The following TSGA13 variants were observed in gnomAD, a reference collection of about 807,000 sequenced individuals.
TSGA13 encodes the protein testis specific 13, also known as testis-specific gene 13 protein.
TSGA13 carries 37 observed loss-of-function variants against 35.1 expected under a neutral mutation model. The observed-to-expected ratio is 1.05, with a 90% CI of 0.81 to 1.39. The LOEUF is 1.39. Among genes scored for constraint, TSGA13 ranks in the 40% most tolerant of loss-of-function variants. The probability of loss-of-function intolerance (pLI) is 0.00; values close to 1 mark genes in which losing one functional copy is unlikely to be tolerated. For synonymous variants in TSGA13, 124 were observed against 121.2 expected (o/e 1.02, Z -0.15); for missense variants, 338 against 328.5 (o/e 1.03, Z -0.22).
In TSGA13 at chr7:130,668,874, G is replaced by A; in HGVS notation, c.*140C>T. 4.3e-6 allele frequency: 6 copies of A among 1,392,826 alleles called. No individual in the cohort carries two copies. Among genetic ancestry groups the A allele is most frequent in the Non-Finnish European group, 4.8e-6 (5 of 1,034,332 alleles). The allele number at this position is 1,392,826 out of a possible 1,614,324, so 86.3% of individuals were successfully genotyped here. On this transcript the variant is annotated 3_prime_UTR_variant, in exon 8 of 8. Coordinates refer to ENST00000356588, the MANE Select transcript of TSGA13 (RefSeq NM_052933.4). ...CCCCTTCTCCTCTTGCGGCCCGCCG[G>A]AGACTTCGGCTCGACCCTCCCGGCT...
rs1796175353 is a variant in TSGA13 at position 130,668,940 on chromosome 7, T to C, written c.*74A>G. ...CACGCCCGCAGCAGCAGGAATGTGG[T>C]TTTATTTGGGTGGCGACTTCTGCGG... On this transcript the variant is annotated 3_prime_UTR_variant, in exon 8 of 8. Coordinates refer to ENST00000356588, the MANE Select transcript of TSGA13 (RefSeq NM_052933.4). 1.3e-6 allele frequency: 2 copies of C among 1,552,958 alleles called. No homozygotes were observed. The highest frequency in any genetic ancestry group is 2.8e-5 in the African/African-American group (2 of 72,338).
chr7:130,680,858 G>T, intron 4 of TSGA13, 88 bp downstream of exon 4: 2 of 1,199,834 alleles, frequency 1.7e-6, no homozygotes, highest in Non-Finnish European at 2.4e-6. Context: ...GGGGACACTT[G>T]GAGGCATTAG....
Position 130,669,319 on chromosome 7 carries a change from A to G in TSGA13, c.659-136T>C, listed in dbSNP as rs1019040378. On this transcript the variant is annotated intron_variant, in intron 7 of 7. Transcript: ENST00000356588. ...TAGAGGGTAGATTTTGGACCGTGTA[A>G]TACCATTCCCAACCTATTTTATAAT... 7 of 953,370 alleles carry G rather than the reference A, an allele frequency of 7.3e-6. No homozygotes were observed. The East Asian group carries it at 1.9e-4, about 25-fold the overall frequency. 59.1% of individuals were successfully genotyped at this position (953,370 alleles called of 1,614,324 possible).
chr7:130,684,324 CTT>C (rs1189743327), intron 2 of TSGA13, among the ~76,000 whole-genome samples: 3 of 152,190 alleles, frequency 2.0e-5, no homozygotes, highest in Non-Finnish European at 4.4e-5. Context: ...TACCAATTCT[CTT>C]TGCAGAAAAT....
intron 7 of TSGA13, among the ~76,000 whole-genome samples, chr7:130,669,915 G>A (rs1257750705): frequency 6.6e-6 from 1 of 152,146 alleles, no homozygotes; most frequent in African/African-American, 2.4e-5. Context: ...CTTTGGGGAA[G>A]GAAACATCCT....
chr7:130,680,157 G>A (rs1338539575), intron 4 of TSGA13, among the ~76,000 whole-genome samples: 4 of 152,090 alleles, frequency 2.6e-5, no homozygotes, highest in African/African-American at 4.8e-5. Flanking sequence ...CCATATTTAC[G>A]TCAACATTTC....
Position 130,685,256 on chromosome 7 carries a change from A to T in TSGA13, c.-46T>A. ...CCAACCCAAGGCAGGTATTCACCCA[A>T]GGCCAAATTCAGGTCTCTAAATAGT... is the stretch of plus-strand genomic sequence containing the variant. On this transcript the variant is annotated 5_prime_UTR_variant, in exon 2 of 8. In the 5' UTR this introduces an upstream ATG that the reference lacks. Coordinates refer to ENST00000356588, the MANE Select transcript of TSGA13 (RefSeq NM_052933.4). The T allele has an allele frequency of 6.2e-7, 1 of 1,611,192 alleles. No homozygotes were observed. The highest frequency in any genetic ancestry group is 1.1e-5 in the South Asian group (1 of 90,998).
At chr7:130,682,059 C>A (rs976185950) in intron 3 of TSGA13, among the ~76,000 whole-genome samples, 15 of 152,076 alleles carry the variant, frequency 9.9e-5, no homozygotes, top group African/African-American at 3.4e-4. Context: ...CCCTCCTCAG[C>A]ATCCCGAGTA....
intron 3 of TSGA13, among the ~76,000 whole-genome samples, chr7:130,683,092 C>T (rs1463636102): frequency 1.3e-5 from 2 of 152,042 alleles, no homozygotes; most frequent in Non-Finnish European, 2.9e-5. Flanking sequence ...GTTTTTACTC[C>T]TGAAGTTTTT....
chr7:130,681,188 A>G (rs1015186850), intron 3 of TSGA13, among the ~76,000 whole-genome samples, 171 bp from the exon 4 acceptor site: 2 of 152,162 alleles, frequency 1.3e-5, no homozygotes, highest in Non-Finnish European at 2.9e-5. Flanking sequence ...TTTCTGGAAC[A>G]AGGGCCCCAG....
At chr7:130,680,045 G>A (rs1287163334) in intron 4 of TSGA13, among the ~76,000 whole-genome samples, 2 of 152,200 alleles carry the variant, frequency 1.3e-5, no homozygotes, top group African/African-American at 4.8e-5. Flanking sequence ...TCTAAGGTAC[G>A]AGGGAAAGCT....
At chr7:130,676,821 A>G (rs1417564476) in intron 5 of TSGA13, among the ~76,000 whole-genome samples, 1 of 151,738 alleles carries the variant, frequency 6.6e-6, no homozygotes, top group Non-Finnish European at 1.5e-5. Flanking sequence ...CTTTCACTTA[A>G]CTCATTTATT....
intron 5 of TSGA13, among the ~76,000 whole-genome samples, chr7:130,675,682 C>T (rs991396619): frequency 9.9e-5 from 15 of 152,164 alleles, no homozygotes; most frequent in African/African-American, 3.1e-4. Flanking sequence ...TGCGCCAGGC[C>T]GGTTTGAGTC....
At chr7:130,670,299 TTC>T (rs2116292580) in intron 7 of TSGA13, among the ~76,000 whole-genome samples, 1 of 152,284 alleles carries the variant, frequency 6.6e-6, no homozygotes, top group African/African-American at 2.4e-5. Flanking sequence ...ACCCCAGGCC[TTC>T]GGTATCAGGA....
At chr7:130,669,304 A>AT (rs2116288244) in intron 7 of TSGA13, 121 bp from the exon 8 acceptor site, 1 of 1,222,084 alleles carries the variant, frequency 8.2e-7, no homozygotes, top group Non-Finnish European at 1.1e-6. Context: ...TAGAGGGTAG[A>AT]TTTTGGACCG....
In TSGA13 at chr7:130,668,688, C is replaced by G; in HGVS notation, c.*326G>C. 6.5e-7 allele frequency: 1 copy of G among 1,527,184 alleles called. No individual in the cohort carries two copies. The highest frequency in any genetic ancestry group is 8.8e-7 in the Non-Finnish European group (1 of 1,138,318). The allele number at this position is 1,527,184 out of a possible 1,614,324, so 94.6% of individuals were successfully genotyped here. A position where few individuals can be genotyped will look rare whatever the true frequency, so the allele number is the denominator to read the frequency against. On this transcript the variant is annotated 3_prime_UTR_variant, in exon 8 of 8. Coordinates refer to ENST00000356588, the MANE Select transcript of TSGA13 (RefSeq NM_052933.4). ...AATCATCTTGGACGACTTCCCAGCG[C>G]CCAGACCCACCGCAACCGTCCCAGG...
rs1424371329 is a variant in TSGA13 at position 130,680,962 on chromosome 7, G to A, written c.158C>T (p.Thr53Ile). Residue 53 changes from threonine (T) to isoleucine (I), a missense_variant, in exon 4 of 8, where the codon ACA (threonine) becomes ATA (isoleucine). Thr to Ile is a moderately conservative substitution (Grantham distance 89). Transcript: ENST00000356588. ...TCTACCTACCAAATTTGGATGGACT[G>A]TGTAATGCCGAAGGTTCTCTAGAAC... is the stretch of plus-strand genomic sequence containing the variant. ...KFVLENLRHY[T>I]VHPNLAQYYK... is the part of the protein sequence containing the mutation. 3.1e-6 allele frequency: 5 copies of A among 1,614,016 alleles called. No homozygotes were observed. The highest frequency in any genetic ancestry group is 2.2e-5 in the East Asian group (1 of 44,884).
At chr7:130,673,453 C>G (rs1554463663) in intron 5 of TSGA13, among the ~76,000 whole-genome samples, 1 of 151,988 alleles carries the variant, frequency 6.6e-6, no homozygotes, top group Admixed American at 6.6e-5. Context: ...CTCAATCTTT[C>G]TTTACCTAAA....
At position 130,668,780 on chromosome 7, in the gene TSGA13, G is replaced by T; in HGVS notation, c.*234C>A. On this transcript the variant is annotated 3_prime_UTR_variant, in exon 8 of 8. Coordinates refer to ENST00000356588, the MANE Select transcript of TSGA13 (RefSeq NM_052933.4). ...CCCGCGCTCTCACGCCGGTTGGGCCGCCGCGCCTTCACTCGGGGCCAAGGC... is the reference window on the plus strand; with the variant it reads ...CCCGCGCTCTCACGCCGGTTGGGCCTCCGCGCCTTCACTCGGGGCCAAGGC... The T allele has an allele frequency of 7.4e-7, 1 of 1,357,366 alleles. No individual in the cohort carries two copies. The highest frequency in any genetic ancestry group is 9.8e-7 in the Non-Finnish European group (1 of 1,015,812). 84.1% of individuals were successfully genotyped at this position (1,357,366 alleles called of 1,614,324 possible).
Sources: allele counts gnomAD v4.1 joint callset (sites outside exome capture counted in the v4.1 genomes callset), GRCh38; gene constraint gnomAD v4.1.1; transcripts MANE v1.5; gene names NCBI Gene and HGNC (gene_info 2026-07-23, HGNC 2026-07-21).